Variants in LDB3 observed in about 807,000 individuals in gnomAD.
The protein encoded by LDB3 is LIM domain-binding protein 3.
LDB3 carries 49 observed loss-of-function variants against 69.0 expected under a neutral mutation model. The observed-to-expected ratio is 0.71, with a 90% CI of 0.56 to 0.90. The LOEUF (loss-of-function observed/expected upper bound fraction) is 0.90, where lower values mean the gene tolerates loss of function less well. LDB3 is among the 40% of genes least tolerant of loss of function. The pLI, the probability that LDB3 is intolerant of heterozygous loss-of-function variation, is 0.00. For missense variants in LDB3, 928 were observed against 974.1 expected (o/e 0.95, Z 0.63); for synonymous variants, 387 against 396.2 (o/e 0.98, Z 0.28).
In LDB3 at chr10:86,714,530, A is replaced by G. The variant is rs73346103; in HGVS notation, c.1232-1797A>G. Among the ~76,000 whole-genome samples, 1,372 of 150,234 alleles carry G rather than the reference A, an allele frequency of 9.1e-3. 17 individuals carry two copies. The highest frequency in any genetic ancestry group is 0.032 in the African/African-American group (1,300 of 40,986). On this transcript the variant is annotated intron_variant, in intron 9 of 13. Coordinates refer to ENST00000361373, the MANE Select transcript of LDB3 (RefSeq NM_007078.3). ...CTCGTTACCCCTAAAGGGGAGGAAG[A>G]TTCCTTATGGAGAAGGTATTATCTT...
intron 2 of LDB3, among the ~76,000 whole-genome samples, chr10:86,676,869 G>A (rs1844822721): frequency 6.6e-6 from 1 of 152,380 alleles, no homozygotes; most frequent in East Asian, 1.9e-4. Flanking sequence ...ATGTCTGTAA[G>A]CCCAGAGCCT....
intron 2 of LDB3, among the ~76,000 whole-genome samples, chr10:86,675,332 C>G (rs1293271402): frequency 6.6e-6 from 1 of 152,248 alleles, no homozygotes; most frequent in Non-Finnish European, 1.5e-5. Context: ...GGAGGACAGT[C>G]AGATAGCCCT....
At chr10:86,728,508 G>T (rs1031873275) in intron 13 of LDB3, among the ~76,000 whole-genome samples, 1 of 151,748 alleles carries the variant, frequency 6.6e-6, no homozygotes. Context: ...CATGGAGATC[G>T]TTAGGTCTCC....
intron 8 of LDB3, 54 bp downstream of exon 8, chr10:86,706,773 C>T (rs566705181): frequency 1.5e-4 from 226 of 1,546,138 alleles, no homozygotes; most frequent in Non-Finnish European, 2.6e-6. Context: ...GCAGGAAACG[C>T]CCCACTCTGG....
chr10:86,667,602 C>T (rs1231674641), upstream of LDB3, among the ~76,000 whole-genome samples: 1 of 152,244 alleles, frequency 6.6e-6, no homozygotes, highest in Non-Finnish European at 1.5e-5. Context: ...CTCCCTTCTC[C>T]CTGCCCCCTG....
At chr10:86,725,880 T>C (rs1289022795) in intron 12 of LDB3, among the ~76,000 whole-genome samples, 1 of 152,198 alleles carries the variant, frequency 6.6e-6, no homozygotes, top group Non-Finnish European at 1.5e-5. Flanking sequence ...CTGCAGAAGG[T>C]TGATGACAAT....
intron 7 of LDB3, among the ~76,000 whole-genome samples, chr10:86,696,099 A>G (rs1845982864): frequency 1.3e-5 from 2 of 152,184 alleles, no homozygotes; most frequent in Admixed American, 1.3e-4. Flanking sequence ...TCTATCATGC[A>G]GCCATTAAGC....
rs397517229 is a variant in LDB3, at chr10:86,668,791, G to T, written c.93+7G>T. The T allele has an allele frequency of 2.5e-6, 4 of 1,608,794 alleles. No individual in the cohort carries two copies. The highest frequency in any genetic ancestry group is 3.4e-6 in the Non-Finnish European group (4 of 1,176,078). ...GCCCCTCACTATCTCCCGGGTGAGT[G>T]CACCCTGCCACAGCCTGGCACCCGA... On this transcript the variant is annotated splice_region_variant and intron_variant, in intron 2 of 13. Transcript: ENST00000361373.
rs1302277494 is a variant in LDB3, at chr10:86,716,235, CA to C, written c.1232-91del. The C allele has an allele frequency of 3.5e-6, 5 of 1,448,550 alleles. No individual in the cohort carries two copies. The African/African-American group carries it at 7.0e-5, about 20-fold the overall frequency. The allele number at this position is 1,448,550 out of a possible 1,614,324, so 89.7% of individuals were successfully genotyped here. A position where few individuals can be genotyped will look rare whatever the true frequency, so the allele number is the denominator to read the frequency against. On this transcript the variant is annotated intron_variant, in intron 9 of 13. Transcript: ENST00000361373. ...AATTGTACTGCTCTAATGTTAAAGT[CA>C]CCTTTTGCATTTCTCTGGCTAGGAG... is the stretch of plus-strand genomic sequence containing the variant.
chr10:86,716,401 G>A lies in LDB3; in HGVS notation c.1306G>A (p.Ala436Thr). ...TCCCTACACCCCCTCCCCTGCCCCT[G>A]CCTACACCCCCTCCCCTGCCCCTGC... ...PTPYTPSPAP[A>T]YTPSPAPAYT... Residue 436 changes from alanine to threonine, a missense_variant, in exon 10 of 14, where the codon GCC becomes ACC. Coordinates refer to ENST00000361373, the MANE Select transcript of LDB3 (RefSeq NM_007078.3). 11 of 1,169,906 alleles carry A rather than the reference G, an allele frequency of 9.4e-6. No homozygotes were observed. Among genetic ancestry groups the A allele is most frequent in the Non-Finnish European group, 9.6e-6 (9 of 933,956 alleles). 72.5% of individuals were successfully genotyped at this position (1,169,906 alleles called of 1,614,324 possible). A position where few individuals can be genotyped will look rare whatever the true frequency, so the allele number is the denominator to read the frequency against.
chr10:86,668,648 C>G, intron 1 of LDB3, 21 bp from the exon 2 acceptor site: 1 of 1,505,500 alleles, frequency 6.6e-7, no homozygotes, highest in Non-Finnish European at 9.2e-7. Context: ...TCACTCAACC[C>G]TCTCTACCCT....
chr10:86,669,580 G>A (rs1271657268), intron 2 of LDB3, among the ~76,000 whole-genome samples: 8 of 152,240 alleles, frequency 5.3e-5, no homozygotes, highest in African/African-American at 1.9e-4. Flanking sequence ...CACTCCAGGA[G>A]CAGGGACTGA....
At chr10:86,677,708 C>T (rs952102226) in intron 2 of LDB3, among the ~76,000 whole-genome samples, 6 of 152,140 alleles carry the variant, frequency 3.9e-5, no homozygotes, top group Admixed American at 1.3e-4. Context: ...AACTGGCCCC[C>T]GCACCTGCAC....
At chr10:86,708,364 G>A (rs565662057) in intron 8 of LDB3, among the ~76,000 whole-genome samples, 39 of 152,324 alleles carry the variant, frequency 2.6e-4, no homozygotes, top group African/African-American at 9.1e-4. Context: ...GGAGCCCATG[G>A]GAGGCAAATG....
Position 86,681,378 on chromosome 10 carries a change from C to T in LDB3, c.322-58C>T, listed in dbSNP as rs981340581. 1.0e-5 allele frequency: 16 copies of T among 1,595,452 alleles called. No individual in the cohort carries two copies. In the East Asian group the frequency reaches 1.6e-4, roughly 16 times the overall value. ...TCAGGTCCACGCAGGAGCGCTGGGA[C>T]GCGTGTGGCCTCTAACCGCTCTCTT... On this transcript the variant is annotated intron_variant, in intron 4 of 13. Coordinates refer to ENST00000361373, the MANE Select transcript of LDB3 (RefSeq NM_007078.3).
intron 5 of LDB3, chr10:86,687,285 C>G: frequency 6.2e-7 from 1 of 1,612,878 alleles, no homozygotes; most frequent in Non-Finnish European, 8.5e-7. Context: ...AAGCGCCTCC[C>G]TCCTCCACCG....
At chr10:86,695,852 C>G (rs1204500895) in intron 7 of LDB3, among the ~76,000 whole-genome samples, 2 of 152,214 alleles carry the variant, frequency 1.3e-5, no homozygotes, top group Admixed American at 6.5e-5. Context: ...GATCCCACTG[C>G]TGGGGGGAAC....
intron 2 of LDB3, among the ~76,000 whole-genome samples, chr10:86,676,586 GA>G (rs66814147): frequency 0.21 from 28,433 of 133,822 alleles, 3,326 homozygotes; most frequent in East Asian, 0.45. Flanking sequence ...AAAAGAGAAA[GA>G]AAAAAAAAAA....
Position 86,692,555 on chromosome 10 carries a change from G to A in LDB3, c.880G>A (p.Ala294Thr). 3 of 1,614,254 alleles carry A rather than the reference G, an allele frequency of 1.9e-6. No homozygotes were observed. Among genetic ancestry groups the A allele is most frequent in the South Asian group, 2.2e-5 (2 of 91,084 alleles). ...AACAGTGCAAGACCCTGATGAAGAA[G>A]CTCTGCGAAGGTCAAGGTAAGTGCC... is the stretch of plus-strand genomic sequence containing the variant. ...TEFMQDPDEE[A>T]LRRSSTPIEH... Residue 294 changes from alanine (A) to threonine (T), a missense_variant, in exon 7 of 14, where the codon GCT (alanine) becomes ACT (threonine). Transcript: ENST00000361373.
Sources: allele counts gnomAD v4.1 joint callset (sites outside exome capture counted in the v4.1 genomes callset), GRCh38; gene constraint gnomAD v4.1.1; transcripts MANE v1.5; gene names NCBI Gene and HGNC (gene_info 2026-07-23, HGNC 2026-07-21).